The following CAMKMT variants were observed in gnomAD, a reference collection of about 807,000 sequenced individuals.
CAMKMT encodes calmodulin-lysine N-methyltransferase.
CAMKMT carries 53 observed loss-of-function variants against 48.0 expected under a neutral mutation model. The observed-to-expected ratio is 1.10, with a 90% CI of 0.89 to 1.39. The LOEUF (loss-of-function observed/expected upper bound fraction) is 1.39. Ranked by LOEUF, CAMKMT falls within the 40% of genes most tolerant of loss-of-function variation. The pLI is 0.00. For synonymous variants in CAMKMT, 165 were observed against 152.3 expected, an observed-to-expected ratio of 1.08 and a Z score of -0.61; for missense variants, 428 against 402.7, an observed-to-expected ratio of 1.06 and a Z score of -0.54.
At chr2:44,489,345 A>C (rs1337985787) in intron 3 of CAMKMT, among the ~76,000 whole-genome samples, 1 of 149,486 alleles carries the variant, frequency 6.7e-6, no homozygotes, top group African/African-American at 2.5e-5. Context: ...TCCCAGGTTC[A>C]AGCAATTCTC....
At chr2:44,575,591 CAG>C (rs1283311323) in intron 3 of CAMKMT, among the ~76,000 whole-genome samples, 1 of 152,032 alleles carries the variant, frequency 6.6e-6, no homozygotes, top group Non-Finnish European at 1.5e-5. Context: ...TATTTGTTGC[CAG>C]GTGCATTGGC....
rs375305694 is a variant in CAMKMT at position 44,713,229 on chromosome 2, G to A, written c.557-2058G>A. On this transcript the variant is annotated intron_variant, in intron 6 of 10. Transcript: ENST00000378494. ...CTGAGTTATATAATTTAACTTCCCT[G>A]AGACTATTTTATAAAAAGTATTACC... Among the ~76,000 whole-genome samples, 6 of 152,240 alleles carry A rather than the reference G, an allele frequency of 3.9e-5. 1 individual carries two copies. The South Asian group carries it at 1.2e-3, about 32-fold the overall frequency.
intron 3 of CAMKMT, among the ~76,000 whole-genome samples, chr2:44,585,004 G>A (rs770912759): frequency 6.6e-6 from 1 of 151,574 alleles, no homozygotes; most frequent in Non-Finnish European, 1.5e-5. Context: ...GCAGTGAGCC[G>A]AGATCGCACC....
chr2:44,575,749 C>A (rs756547127), intron 3 of CAMKMT, among the ~76,000 whole-genome samples: 3 of 151,638 alleles, frequency 2.0e-5, no homozygotes, highest in Non-Finnish European at 2.9e-5. Context: ...ACCAGCTATT[C>A]AGGAGGCTGA....
At chr2:44,705,033 A>T (rs1415695647) in intron 4 of CAMKMT, among the ~76,000 whole-genome samples, 1 of 152,158 alleles carries the variant, frequency 6.6e-6, no homozygotes, top group East Asian at 1.9e-4. Context: ...TATAAAAGTC[A>T]TTCAATATAT....
chr2:44,672,991 G>A (rs1360157147), intron 3 of CAMKMT, among the ~76,000 whole-genome samples: 3 of 152,072 alleles, frequency 2.0e-5, no homozygotes, highest in Non-Finnish European at 2.9e-5. Context: ...TTTAGACACT[G>A]GAATAGCACT....
rs528744158 is a variant in CAMKMT at position 44,386,826 on chromosome 2, G to A, written c.312-3415G>A. On this transcript the variant is annotated intron_variant, in intron 2 of 10. Transcript: ENST00000378494. ...AATTTTCATATATTTGCATGGTTTT[G>A]AAGGTTCCTTTTGGAGTTGATTTCC... Among the ~76,000 whole-genome samples, 173 of 152,180 alleles carry A rather than the reference G, an allele frequency of 1.1e-3. 1 individual carries two copies. Among genetic ancestry groups the A allele is most frequent in the Middle Eastern group, 3.4e-3 (1 of 294 alleles).
intron 3 of CAMKMT, among the ~76,000 whole-genome samples, chr2:44,659,818 A>G (rs1674582534): frequency 6.6e-6 from 1 of 152,162 alleles, no homozygotes; most frequent in Non-Finnish European, 1.5e-5. Context: ...TTATTTCAGC[A>G]TAAACTATTT....
At chr2:44,496,945 A>C (rs988847066) in intron 3 of CAMKMT, among the ~76,000 whole-genome samples, 5 of 152,204 alleles carry the variant, frequency 3.3e-5, no homozygotes, top group Non-Finnish European at 7.3e-5. Flanking sequence ...CAGTGGACTT[A>C]GAAGTTAAAT....
chr2:44,698,999 C>T (rs1677117335), intron 3 of CAMKMT, among the ~76,000 whole-genome samples: 1 of 152,200 alleles, frequency 6.6e-6, no homozygotes, highest in Non-Finnish European at 1.5e-5. Flanking sequence ...AACTCCTCAT[C>T]CTTTCAGGTT....
intron 3 of CAMKMT, among the ~76,000 whole-genome samples, chr2:44,564,222 C>G (rs1339916291): frequency 6.7e-6 from 1 of 150,114 alleles, no homozygotes; most frequent in African/African-American, 2.5e-5. Context: ...CTTGCCCAGG[C>G]TGGAGTGCAG....
intron 3 of CAMKMT, among the ~76,000 whole-genome samples, chr2:44,410,348 CA>C (rs1279898175): frequency 6.9e-6 from 1 of 145,490 alleles, no homozygotes; most frequent in Non-Finnish European, 1.5e-5. Context: ...GCTCTGCCCC[CA>C]GGGGTTCACC....
chr2:44,436,291 T>C (rs952580224), intron 3 of CAMKMT, among the ~76,000 whole-genome samples: 2 of 152,254 alleles, frequency 1.3e-5, no homozygotes, highest in Admixed American at 1.3e-4. Flanking sequence ...TTGGCCAGGC[T>C]GGTCTCGAAC....
rs778431526 is a variant in CAMKMT at position 44,504,582 on chromosome 2, G to C, written c.376+114277G>C. On this transcript the variant is annotated intron_variant, in intron 3 of 10. Coordinates refer to ENST00000378494, the MANE Select transcript of CAMKMT (RefSeq NM_024766.5). ...ATTTCCTATGCCTCTTACAAGGGCA[G>C]AATTGAGGTGGGGCCTTTTAGTTTT... Among the ~76,000 whole-genome samples the C allele has an allele frequency of 3.2e-4, 49 of 152,122 alleles. 1 individual carries two copies. The highest frequency in any genetic ancestry group is 2.2e-3 in the Admixed American group (34 of 15,268).
chr2:44,705,939 C>T lies in CAMKMT; in HGVS notation c.438-348C>T, dbSNP rs1027044169. Reference sequence around the variant, plus strand: ...AATGAATGTGGATTAACAGTGTTATCCTTTCCTAACACTTCTCTTTCGCTA... The same window carrying T: ...AATGAATGTGGATTAACAGTGTTATTCTTTCCTAACACTTCTCTTTCGCTA... On this transcript the variant is annotated intron_variant, in intron 4 of 10. Coordinates refer to ENST00000378494, the MANE Select transcript of CAMKMT (RefSeq NM_024766.5). 3.3e-5 allele frequency among the ~76,000 whole-genome samples: 5 copies of T among 152,070 alleles called. 1 individual carries two copies. The East Asian group carries it at 9.6e-4, about 29-fold the overall frequency.
chr2:44,409,108 T>TTGCTACATAAAGACA (rs1558587797), intron 3 of CAMKMT, among the ~76,000 whole-genome samples: 5 of 3,702 alleles, frequency 1.4e-3, no homozygotes, highest in African/African-American at 3.7e-3. Context: ...TATATATATA[T>TTGCTACATAAAGACA]ATATATATAT....
intron 7 of CAMKMT, among the ~76,000 whole-genome samples, chr2:44,743,102 A>G (rs769209592): frequency 2.0e-5 from 3 of 152,140 alleles, no homozygotes; most frequent in Admixed American, 6.5e-5. Flanking sequence ...GTGTGGGTGA[A>G]TTTTTCACTA....
intron 3 of CAMKMT, among the ~76,000 whole-genome samples, chr2:44,626,814 G>T (rs922643708): frequency 3.9e-5 from 6 of 152,124 alleles, no homozygotes; most frequent in Non-Finnish European, 8.8e-5. Flanking sequence ...ACCATGTCCT[G>T]TATGAATAAA....
At chr2:44,551,387 G>C (rs1667709108) in intron 3 of CAMKMT, among the ~76,000 whole-genome samples, 1 of 152,158 alleles carries the variant, frequency 6.6e-6, no homozygotes, top group Admixed American at 6.6e-5. Context: ...AGTTCTAAAG[G>C]GAATTGTGCG....
Sources: allele counts gnomAD v4.1 joint callset (sites outside exome capture counted in the v4.1 genomes callset), GRCh38; gene constraint gnomAD v4.1.1; transcripts MANE v1.5; gene names NCBI Gene and HGNC (gene_info 2026-07-23, HGNC 2026-07-21).